Variants in PRKCE observed in about 807,000 individuals in gnomAD.
The protein encoded by PRKCE is protein kinase C epsilon type.
A neutral mutation model predicts 85.4 loss-of-function variants in PRKCE; 16 were observed. That is an observed-to-expected ratio of 0.19 (90% CI 0.13 to 0.28). The LOEUF (loss-of-function observed/expected upper bound fraction) is 0.28. Among genes scored for constraint, PRKCE ranks in the 10% least tolerant of loss-of-function variants. The pLI, the probability that PRKCE is intolerant of heterozygous loss-of-function variation, is 1.00. For synonymous variants in PRKCE, 388 were observed against 371.5 expected, an observed-to-expected ratio of 1.04 and a Z score of -0.51; for missense variants, 573 against 975.2, an observed-to-expected ratio of 0.59 and a Z score of 5.49.
At chr2:45,941,819 C>T (rs1159008653) in intron 2 of PRKCE, among the ~76,000 whole-genome samples, 2 of 152,150 alleles carry the variant, frequency 1.3e-5, no homozygotes, top group African/African-American at 2.4e-5. Context: ...ACAGCCTTCC[C>T]TGGCTAGTTC....
chr2:45,980,775 G>A (rs1318576150), intron 5 of PRKCE, among the ~76,000 whole-genome samples: 1 of 152,066 alleles, frequency 6.6e-6, no homozygotes, highest in Non-Finnish European at 1.5e-5. Flanking sequence ...TGATGGGGGA[G>A]TGGTGTGGAA....
chr2:45,917,202 A>G (rs939972712), intron 2 of PRKCE, among the ~76,000 whole-genome samples: 4 of 152,154 alleles, frequency 2.6e-5, no homozygotes, highest in Non-Finnish European at 5.9e-5. Flanking sequence ...AAAGTTTTCC[A>G]CGTCCCCACC....
chr2:45,825,819 TA>T (rs1263036237), intron 1 of PRKCE, among the ~76,000 whole-genome samples: 1 of 151,884 alleles, frequency 6.6e-6, no homozygotes, highest in Admixed American at 6.6e-5. Context: ...GCCCAGGAGT[TA>T]GAAGCTGCAG....
At chr2:46,113,653 T>G (rs966436433) in intron 11 of PRKCE, among the ~76,000 whole-genome samples, 11 of 152,204 alleles carry the variant, frequency 7.2e-5, no homozygotes, top group Non-Finnish European at 1.3e-4. Context: ...AGGTAGAGTT[T>G]GCAGTCCCTG....
At chr2:46,091,026 C>T (rs1206936738) in intron 11 of PRKCE, among the ~76,000 whole-genome samples, 1 of 152,158 alleles carries the variant, frequency 6.6e-6, no homozygotes, top group Non-Finnish European at 1.5e-5. Context: ...TTCTCTGGCT[C>T]ACACTTGAAA....
At chr2:45,700,933 G>A (rs185052010) in intron 1 of PRKCE, among the ~76,000 whole-genome samples, 1 of 152,280 alleles carries the variant, frequency 6.6e-6, no homozygotes, top group East Asian at 1.9e-4. Flanking sequence ...CCCAGAAGCT[G>A]GCGGAAGCAA....
intron 2 of PRKCE, among the ~76,000 whole-genome samples, chr2:45,853,296 A>G (rs1320702813): frequency 6.6e-6 from 1 of 152,232 alleles, no homozygotes; most frequent in African/African-American, 2.4e-5. Flanking sequence ...GTCAAAATGG[A>G]CAACATCAGT....
intron 2 of PRKCE, among the ~76,000 whole-genome samples, chr2:45,938,655 G>A (rs1390099947): frequency 6.6e-6 from 1 of 152,092 alleles, no homozygotes; most frequent in African/African-American, 2.4e-5. Context: ...TTGCCTAGAT[G>A]CTGCCTTTCC....
chr2:46,026,587 TG>T (rs1210468416), intron 10 of PRKCE, among the ~76,000 whole-genome samples: 2 of 152,234 alleles, frequency 1.3e-5, no homozygotes, highest in Non-Finnish European at 2.9e-5. Context: ...TAAATGTGGT[TG>T]ACAACCTGTA....
At chr2:46,047,797 A>T (rs1317756772) in intron 10 of PRKCE, among the ~76,000 whole-genome samples, 1 of 152,170 alleles carries the variant, frequency 6.6e-6, no homozygotes, top group African/African-American at 2.4e-5. Context: ...AATAGGGAGG[A>T]TATCTTGGCT....
At position 45,895,790 on chromosome 2, in the gene PRKCE, G is replaced by A. The variant is rs1465504998; in HGVS notation, c.412+52727G>A. Among the ~76,000 whole-genome samples the A allele has an allele frequency of 2.8e-5, 4 of 144,278 alleles. No homozygotes were observed. In the East Asian group the frequency reaches 7.7e-4, roughly 28 times the overall value. The allele number at this position is 144,278 out of a possible 152,430, so 94.7% of individuals were successfully genotyped here. A position where few individuals can be genotyped will look rare whatever the true frequency, so the allele number is the denominator to read the frequency against. ...AAGCAGGAATCAGCTCAGTGAGGCA[G>A]GAATCTACGCAGGTGCGCAGGTGTA... On this transcript the variant is annotated intron_variant, in intron 2 of 14. Coordinates refer to ENST00000306156, the MANE Select transcript of PRKCE (RefSeq NM_005400.3). This position sits in a 1 kb window ranked among gnomAD's most constrained non-coding sequence, Gnocchi z 4.8.
chr2:45,802,425 T>C (rs1466769182), intron 1 of PRKCE, among the ~76,000 whole-genome samples: 2 of 152,158 alleles, frequency 1.3e-5, no homozygotes, highest in Admixed American at 6.5e-5. Flanking sequence ...TGCATAAAGG[T>C]CCATCTTAAA....
At chr2:45,944,607 G>A (rs1334577158) in intron 2 of PRKCE, among the ~76,000 whole-genome samples, 1 of 147,010 alleles carries the variant, frequency 6.8e-6, no homozygotes, top group African/African-American at 2.5e-5. Flanking sequence ...TCCCGCCTCA[G>A]TCTCCCAAGT....
At chr2:45,831,406 A>G (rs1175429721) in intron 1 of PRKCE, among the ~76,000 whole-genome samples, 1 of 152,184 alleles carries the variant, frequency 6.6e-6, no homozygotes, top group Non-Finnish European at 1.5e-5. Flanking sequence ...GGTGGCTGGG[A>G]TGGAGGGTGG....
chr2:46,019,739 T>C (rs933021750), intron 10 of PRKCE, among the ~76,000 whole-genome samples: 4 of 152,098 alleles, frequency 2.6e-5, no homozygotes, highest in Non-Finnish European at 5.9e-5. Context: ...TTGTGAGGAC[T>C]TCCTGTACAC....
At chr2:46,082,549 G>C (rs749135254) in intron 10 of PRKCE, among the ~76,000 whole-genome samples, 1 of 152,102 alleles carries the variant, frequency 6.6e-6, no homozygotes. Flanking sequence ...TGAGTGGTCC[G>C]GAGCTTGTGA....
intron 1 of PRKCE, among the ~76,000 whole-genome samples, chr2:45,841,836 A>G (rs898438707): frequency 1.3e-5 from 2 of 152,262 alleles, no homozygotes; most frequent in South Asian, 2.1e-4. Context: ...GGAGATATCC[A>G]CTAGACTGAC....
chr2:46,070,599 T>C (rs111442286), intron 10 of PRKCE, among the ~76,000 whole-genome samples: 1,821 of 151,814 alleles, frequency 0.012, 30 homozygotes, highest in African/African-American at 0.042. Context: ...GCTGAGATCA[T>C]GCCACTGCAC....
At chr2:46,012,305 C>CTT (rs111284355) in intron 10 of PRKCE, among the ~76,000 whole-genome samples, 2 of 146,320 alleles carry the variant, frequency 1.4e-5, no homozygotes, top group African/African-American at 5.0e-5. Flanking sequence ...TTTTCTTTTC[C>CTT]TTTTTTTTTT....
Sources: allele counts gnomAD v4.1 joint callset (sites outside exome capture counted in the v4.1 genomes callset), GRCh38; gene constraint gnomAD v4.1.1; non-coding constraint Gnocchi (gnomAD v3.1); transcripts MANE v1.5; gene names NCBI Gene and HGNC (gene_info 2026-07-23, HGNC 2026-07-21).